The following DHPS variants were observed in gnomAD, a reference collection of about 807,000 sequenced individuals.
DHPS encodes deoxyhypusine synthase.
A neutral mutation model predicts 38.7 loss-of-function variants in DHPS; 24 were observed. The ratio of observed to expected loss-of-function variants is 0.62; its 90% CI spans 0.45 to 0.87. DHPS has a LOEUF of 0.87. DHPS is among the 40% of genes least tolerant of loss of function. DHPS has a pLI of 0.00. For synonymous variants in DHPS, 250 were observed against 204.4 expected (o/e 1.22, Z -1.90); for missense variants, 510 against 497.6 (o/e 1.02, Z -0.24).
downstream of DHPS, chr19:12,672,697 T>A (rs759398068): frequency 6.4e-5 from 48 of 745,808 alleles, no homozygotes; most frequent in Middle Eastern, 1.5e-3. Context: ...TAGGACGTAA[T>A]TGGCCCTGGG....
In DHPS at chr19:12,681,683, G is replaced by A. The variant is rs2024821731; in HGVS notation, c.84C>T (p.Ser28=). The change falls in exon 1 of 9, where the codon AGC becomes AGT. Residue 28 remains serine (S), a synonymous_variant. Transcript: ENST00000210060. ...TGAAGTCGTAGCCCCGGACCTGGGT[G>A]CTTTCGGGCGGCAACGTCGAGCTGT... ...LKHSSTLPPE[S]TQVRGYDFNR... 2 of 1,614,148 alleles carry A rather than the reference G, an allele frequency of 1.2e-6. No homozygotes were observed. Among genetic ancestry groups the A allele is most frequent in the South Asian group, 1.1e-5 (1 of 91,086 alleles).
downstream of DHPS, chr19:12,673,098 C>A: frequency 6.2e-7 from 1 of 1,613,094 alleles, no homozygotes; most frequent in Non-Finnish European, 8.5e-7. Context: ...GACAAAGACA[C>A]AGGGGAGCTG....
downstream of DHPS, chr19:12,672,867 G>A: frequency 1.3e-6 from 2 of 1,591,084 alleles, no homozygotes; most frequent in Non-Finnish European, 1.7e-6. Flanking sequence ...GGCCGCGTGA[G>A]ACGCTATGAC....
chr19:12,677,300 T>G lies in DHPS; in HGVS notation c.775A>C (p.Ile259Leu). The G allele has an allele frequency of 1.2e-6, 2 of 1,614,170 alleles. No homozygotes were observed. Among genetic ancestry groups the G allele is most frequent in the Non-Finnish European group, 1.7e-6 (2 of 1,180,028 alleles). ...GGCCCTAGCGCCTCACCCTCAACGA[T>G]GTCCAGGACCAGGCCCGGGTTCTTG... ...SYKNPGLVLD[I>L]VEDLRLINTQ... Residue 259 changes from isoleucine to leucine, a missense_variant, in exon 6 of 9, where the codon ATC becomes CTC. Physicochemically the swap from Ile to Leu is conservative, Grantham distance 5. Coordinates refer to ENST00000210060, the MANE Select transcript of DHPS (RefSeq NM_001930.4).
chr19:12,680,659 G>C (rs902581034), intron 1 of DHPS, among the ~76,000 whole-genome samples: 1 of 149,814 alleles, frequency 6.7e-6, no homozygotes, highest in Non-Finnish European at 1.5e-5. Context: ...TCAGCCTCCC[G>C]AGTAGCTGGG....
chr19:12,672,747 T>C (rs1599371056), downstream of DHPS: 25 of 1,220,590 alleles, frequency 2.0e-5, no homozygotes, highest in East Asian at 6.1e-4. Flanking sequence ...TCCACTCCTG[T>C]GCACTGGAAG....
rs575787787 is a variant in DHPS, at chr19:12,677,189, C to T, written c.807G>A (p.Gln269=). The T allele has an allele frequency of 3.1e-6, 5 of 1,614,240 alleles. No homozygotes were observed. The highest frequency in any genetic ancestry group is 1.3e-5 in the African/African-American group (1 of 75,068). ...TCCCAGTGCACTTGGCAAAGATGGC[C>T]TGTGTGTTGATGAGCCTCAGGTCTG... ...IVEDLRLINT[Q]AIFAKCTGMI... Residue 269 remains glutamine, a synonymous_variant, in exon 7 of 9, where the codon CAG becomes CAA. Coordinates refer to ENST00000210060, the MANE Select transcript of DHPS (RefSeq NM_001930.4).
At chr19:12,672,522 C>T, downstream of DHPS, 1 of 346,560 alleles carries the variant, frequency 2.9e-6, no homozygotes, top group Non-Finnish European at 5.6e-6. Context: ...GAAGGAGAAT[C>T]TCTTGAACCC....
intron 1 of DHPS, 78 bp from the exon 2 acceptor site, chr19:12,680,403 G>A (rs1308218746): frequency 6.6e-7 from 1 of 1,514,974 alleles, no homozygotes; most frequent in Non-Finnish European, 9.1e-7. Flanking sequence ...TCCAGAAACA[G>A]ATTTCACCCC....
intron 5 of DHPS, among the ~76,000 whole-genome samples, chr19:12,678,023 C>G (rs558265216): frequency 6.6e-6 from 1 of 150,428 alleles, no homozygotes; most frequent in Non-Finnish European, 1.5e-5. Context: ...GAGGCCGAGG[C>G]GGGTGGATCA....
downstream of DHPS, chr19:12,673,400 A>G: frequency 1.7e-6 from 1 of 592,334 alleles, no homozygotes; most frequent in Non-Finnish European, 2.9e-6. Context: ...CAGGGCCTGA[A>G]GGCTAGGATC....
chr19:12,676,865 C>T (rs550073229), intron 7 of DHPS: 1 of 530,438 alleles, frequency 1.9e-6, no homozygotes, highest in Admixed American at 3.1e-5. Context: ...TTCCAGAAGC[C>T]TCCTTCCAAA....
In DHPS at chr19:12,681,707, G is replaced by C. The variant is rs746298004; in HGVS notation, c.60C>G (p.His20Gln). Residue 20 changes from histidine to glutamine, a missense_variant, in exon 1 of 9, where the codon CAC (histidine) becomes CAG (glutamine). Physicochemically the swap from His to Gln is conservative, Grantham distance 24. Coordinates refer to ENST00000210060, the MANE Select transcript of DHPS (RefSeq NM_001930.4). Reference protein sequence around the residue: ...PAGALAAVLKHSSTLPPESTQ... With the variant: ...PAGALAAVLKQSSTLPPESTQ... ...TGCTTTCGGGCGGCAACGTCGAGCTGTGCTTTAGCACGGCGGCCAGCGCCC... is the reference window on the plus strand; with the variant it reads ...TGCTTTCGGGCGGCAACGTCGAGCTCTGCTTTAGCACGGCGGCCAGCGCCC... 2 of 1,613,892 alleles carry C rather than the reference G, an allele frequency of 1.2e-6. No homozygotes were observed. Among genetic ancestry groups the C allele is most frequent in the Non-Finnish European group, 1.7e-6 (2 of 1,180,032 alleles).
In DHPS at chr19:12,675,965, G is replaced by A. The variant is rs768292429; in HGVS notation, c.1015-32C>T. On this transcript the variant is annotated intron_variant, in intron 8 of 8. Coordinates refer to ENST00000210060, the MANE Select transcript of DHPS (RefSeq NM_001930.4). The stretch of plus-strand genomic sequence containing the variant: ...AGGGGGGAACCTGGGTAAGCCATGG[G>A]ACCCACACTCATCGTCCCAGAGACC... 3.7e-6 allele frequency: 6 copies of A among 1,605,728 alleles called. No homozygotes were observed. In the Admixed American group the frequency reaches 6.7e-5, roughly 18 times the overall value.
chr19:12,673,112 G>A (rs1050621348), downstream of DHPS: 12 of 1,612,600 alleles, frequency 7.4e-6, no homozygotes, highest in African/African-American at 1.3e-4. Context: ...GGAGCTGCTG[G>A]GCGAGTGAGT....
Position 12,681,728 on chromosome 19 carries a change from C to A in DHPS, c.39G>T (p.Ala13=). The stretch of plus-strand genomic sequence containing the variant: ...AGCTGTGCTTTAGCACGGCGGCCAG[C>A]GCCCCCGCTGGCGCCTCCCGTTCCA... ...GSLEREAPAG[A]LAAVLKHSST... is the part of the protein sequence containing the mutation. The change falls in exon 1 of 9, where the codon GCG becomes GCT. Residue 13 remains alanine, a synonymous_variant. Transcript: ENST00000210060. 1.9e-6 allele frequency: 3 copies of A among 1,612,710 alleles called. No individual in the cohort carries two copies. The highest frequency in any genetic ancestry group is 1.7e-4 in the Middle Eastern group (1 of 5,964).
Position 12,679,447 on chromosome 19 carries a change from A to G in DHPS, c.678+10T>C, listed in dbSNP as rs752759573. 2.0e-5 allele frequency: 32 copies of G among 1,613,950 alleles called. No homozygotes were observed. Among genetic ancestry groups the G allele is most frequent in the Non-Finnish European group, 2.6e-5 (31 of 1,179,790 alleles). The stretch of plus-strand genomic sequence containing the variant: ...AAGTCTGGCTACTTTGCTCCCGCTT[A>G]GGTCCTCACCTTCTGGGCCCAGTAA... On this transcript the variant is annotated intron_variant, in intron 5 of 8. Coordinates refer to ENST00000210060, the MANE Select transcript of DHPS (RefSeq NM_001930.4).
In DHPS at chr19:12,675,830, G is replaced by A. The variant is rs752109199; in HGVS notation, c.*8C>T. The A allele has an allele frequency of 4.4e-6, 7 of 1,581,222 alleles. No homozygotes were observed. The highest frequency in any genetic ancestry group is 4.3e-6 in the Non-Finnish European group (5 of 1,162,112). On this transcript the variant is annotated 3_prime_UTR_variant, in exon 9 of 9. Transcript: ENST00000210060. ...GAGGGGGTAAGACCTTCCTGGGACC[G>A]CAGCCGCTCAGTCCTCGTTCTTCTC...
At position 12,677,345 on chromosome 19, in the gene DHPS, T is replaced by C. The variant is rs761549753; in HGVS notation, c.730A>G (p.Met244Val). 1.9e-6 allele frequency: 3 copies of C among 1,614,056 alleles called. No individual in the cohort carries two copies. Among genetic ancestry groups the C allele is most frequent in the Non-Finnish European group, 2.5e-6 (3 of 1,180,036 alleles). The change falls in exon 6 of 9, where the codon ATG becomes GTG. Residue 244 changes from methionine (M) to valine (V), a missense_variant. Physicochemically the swap from Met to Val is conservative, Grantham distance 21. Coordinates refer to ENST00000210060, the MANE Select transcript of DHPS (RefSeq NM_001930.4). ...PALTDGSLGD[M>V]IFFHSYKNPG... ...TTCTTGTAGGAATGGAAGAAGATCA[T>C]GTCGCCCAGCGAGCCGTCTGTAAGT...
Sources: gnomAD v4.1 joint callset for allele counts (sites outside exome capture counted in the v4.1 genomes callset) on GRCh38, gnomAD v4.1.1 for gene constraint, MANE v1.5 for transcripts, NCBI Gene and HGNC (gene_info 2026-07-23, HGNC 2026-07-21) for gene names.